Variants in GRID2 observed in about 807,000 individuals in gnomAD.
The protein encoded by GRID2 is glutamate ionotropic receptor delta type subunit 2, also known as glutamate receptor ionotropic, delta-2.
GRID2 carries 33 observed loss-of-function variants against 114.8 expected under a neutral mutation model. The observed-to-expected ratio is 0.29, with a 90% CI of 0.22 to 0.38. The LOEUF is 0.38. GRID2 is among the 10% of genes least tolerant of loss of function. The pLI is 1.00. For missense variants in GRID2, 1,184 were observed against 1,257.7 expected, an observed-to-expected ratio of 0.94 and a Z score of 0.89; for synonymous variants, 505 against 449.9, an observed-to-expected ratio of 1.12 and a Z score of -1.55.
chr4:93,299,716 A>T (rs58089679), intron 8 of GRID2, among the ~76,000 whole-genome samples: 8,242 of 151,936 alleles, frequency 0.054, 746 homozygotes, highest in African/African-American at 0.19. Flanking sequence ...TATATATATA[A>T]AAAAAGGATT....
chr4:93,548,181 A>T (rs765008184), intron 13 of GRID2, among the ~76,000 whole-genome samples: 8 of 151,394 alleles, frequency 5.3e-5, no homozygotes, highest in Non-Finnish European at 1.0e-4. Context: ...CATCTCAATT[A>T]AAAAAAAAGA....
At chr4:93,097,403 G>T (rs1163738593) in intron 3 of GRID2, among the ~76,000 whole-genome samples, 1 of 151,668 alleles carries the variant, frequency 6.6e-6, no homozygotes. Flanking sequence ...ACACATAATT[G>T]AATCATGATG....
At chr4:93,308,621 A>G (rs1477470118) in intron 8 of GRID2, among the ~76,000 whole-genome samples, 1 of 152,218 alleles carries the variant, frequency 6.6e-6, no homozygotes, top group Admixed American at 6.5e-5. Flanking sequence ...GAATAACTCT[A>G]CATAATGGAG....
chr4:93,317,162 A>C (rs561437502), intron 8 of GRID2, among the ~76,000 whole-genome samples: 5 of 152,098 alleles, frequency 3.3e-5, no homozygotes, highest in Admixed American at 1.3e-4. Context: ...TGTCCATTAA[A>C]GAATGTATTA....
intron 8 of GRID2, among the ~76,000 whole-genome samples, chr4:93,262,890 G>A (rs1191558152): frequency 6.6e-6 from 1 of 151,574 alleles, no homozygotes; most frequent in African/African-American, 2.4e-5. Flanking sequence ...TGTTATTTCT[G>A]TTTACTATTA....
At chr4:92,550,925 C>A (rs545764588) in intron 1 of GRID2, among the ~76,000 whole-genome samples, 2 of 152,202 alleles carry the variant, frequency 1.3e-5, no homozygotes, top group East Asian at 3.9e-4. Flanking sequence ...AATTTTAGAA[C>A]TTCATTGAAA....
intron 7 of GRID2, among the ~76,000 whole-genome samples, chr4:93,236,560 C>A (rs1268755233): frequency 2.6e-5 from 4 of 151,834 alleles, no homozygotes; most frequent in African/African-American, 7.2e-5. Flanking sequence ...CCTGGGATAT[C>A]CTGCTAAGGG....
intron 2 of GRID2, among the ~76,000 whole-genome samples, chr4:92,967,044 A>C (rs1578628348): frequency 1.3e-5 from 2 of 151,922 alleles, no homozygotes; most frequent in African/African-American, 4.8e-5. Context: ...GCATAATCAA[A>C]CCTAGGCAGC....
chr4:93,133,814 CT>C (rs1157761576), intron 4 of GRID2, among the ~76,000 whole-genome samples: 1 of 152,072 alleles, frequency 6.6e-6, no homozygotes, highest in African/African-American at 2.4e-5. Flanking sequence ...AAAGCTTTAC[CT>C]GTCAAAATAC....
chr4:93,584,058 G>T (rs946395339), intron 13 of GRID2, among the ~76,000 whole-genome samples: 1 of 152,062 alleles, frequency 6.6e-6, no homozygotes, highest in Non-Finnish European at 1.5e-5. Flanking sequence ...TTAGGGTTCC[G>T]GTCTTAGATC....
rs1437192850 is a variant in GRID2, at chr4:93,370,947, AC to A, written c.1246-24659del. 3.9e-5 allele frequency among the ~76,000 whole-genome samples: 6 copies of A among 152,220 alleles called. 1 individual carries two copies. The highest frequency in any genetic ancestry group is 1.4e-4 in the African/African-American group (6 of 41,452). On this transcript the variant is annotated intron_variant, in intron 8 of 15. Transcript: ENST00000282020. ...AAAGTCATTGATACATTTAAATGGC[AC>A]GATTTACCTATATCTGTTTTATAAT... is the stretch of plus-strand genomic sequence containing the variant.
At chr4:92,712,248 T>C (rs951335282) in intron 2 of GRID2, among the ~76,000 whole-genome samples, 4 of 152,204 alleles carry the variant, frequency 2.6e-5, no homozygotes, top group Non-Finnish European at 5.9e-5. Flanking sequence ...CAATCGGTTA[T>C]TTTTTATGTT....
intron 2 of GRID2, among the ~76,000 whole-genome samples, chr4:92,901,888 G>A (rs960107848): frequency 1.3e-5 from 2 of 151,838 alleles, no homozygotes; most frequent in Admixed American, 6.6e-5. Flanking sequence ...TTGGTATAAT[G>A]TGCTGGAGAG....
At chr4:92,521,533 G>A (rs1560686384) in intron 1 of GRID2, among the ~76,000 whole-genome samples, 2 of 151,828 alleles carry the variant, frequency 1.3e-5, no homozygotes, top group African/African-American at 2.4e-5. Context: ...CCTTATCTCT[G>A]TTGCATAGAA....
chr4:93,655,332 T>C (rs192206237), intron 14 of GRID2, among the ~76,000 whole-genome samples: 14 of 152,316 alleles, frequency 9.2e-5, no homozygotes, highest in Admixed American at 7.8e-4. Flanking sequence ...TGCTCTTGTC[T>C]TTGGGGCAAT....
chr4:93,630,795 G>T (rs1472157136), intron 14 of GRID2, among the ~76,000 whole-genome samples: 1 of 149,990 alleles, frequency 6.7e-6, no homozygotes, highest in Non-Finnish European at 1.5e-5. Flanking sequence ...TAAACAACTT[G>T]CTTAGAATCA....
chr4:93,466,736 C>A (rs1724310256), intron 11 of GRID2, among the ~76,000 whole-genome samples: 2 of 152,068 alleles, frequency 1.3e-5, no homozygotes, highest in Non-Finnish European at 2.9e-5. Flanking sequence ...AGCCCTGCCT[C>A]TGGAATTGAA....
chr4:92,748,651 T>G (rs1737277730), intron 2 of GRID2, among the ~76,000 whole-genome samples: 1 of 146,888 alleles, frequency 6.8e-6, no homozygotes, highest in Admixed American at 6.8e-5. Context: ...TTATTATTAT[T>G]ATTATTATTA....
chr4:92,324,596 GACAC>G (rs34621988), intron 1 of GRID2, among the ~76,000 whole-genome samples: 8,302 of 148,202 alleles, frequency 0.056, 276 homozygotes, highest in African/African-American at 0.093. Context: ...CATACATACA[GACAC>G]ACACACACAC....
Sources: allele counts gnomAD v4.1 joint callset (sites outside exome capture counted in the v4.1 genomes callset), GRCh38; gene constraint gnomAD v4.1.1; transcripts MANE v1.5; gene names NCBI Gene and HGNC (gene_info 2026-07-23, HGNC 2026-07-21).